The following FAT3 variants were observed in gnomAD, a reference collection of about 807,000 sequenced individuals.
The protein encoded by FAT3 is protocadherin Fat 3.
In FAT3, 95 loss-of-function variants were observed where a neutral mutation model predicts 310.2. That is an observed-to-expected ratio of 0.31 (90% CI 0.26 to 0.36). The LOEUF (loss-of-function observed/expected upper bound fraction) is 0.36, where lower values mean the gene tolerates loss of function less well. Ranked by LOEUF, FAT3 falls within the 10% of genes least tolerant of loss-of-function variation. FAT3 has a pLI of 1.00. For synonymous variants in FAT3, 2,314 were observed against 2,192.9 expected (o/e 1.06, Z -1.54); for missense variants, 5,408 against 5,715.6 (o/e 0.95, Z 1.74).
chr11:92,489,928 G>A (rs1197809532), intron 2 of FAT3, among the ~76,000 whole-genome samples: 2 of 150,366 alleles, frequency 1.3e-5, no homozygotes, highest in Admixed American at 6.6e-5. Flanking sequence ...CAGCGAAAGA[G>A]GCAGCTCAGA....
Position 92,352,757 on chromosome 11 carries a change from A to C in FAT3, c.645A>C (p.Leu215Phe). The change falls in exon 2 of 28, where the codon TTA becomes TTC. Residue 215 changes from leucine (L) to phenylalanine (F), a missense_variant. By Grantham distance (22) the Leu-to-Phe change is conservative. Around this residue, in one of 5 missense-constraint regions of FAT3, gnomAD observed 4,588 missense variants for 4,809.8 expected, o/e 0.95. Coordinates refer to ENST00000525166, the MANE Select transcript of FAT3 (RefSeq NM_001367949.2). ...SVHPTSGVIS[L>F]SGRLNYDEKN... The stretch of plus-strand genomic sequence containing the variant: ...ACCCCACGAGTGGTGTCATCTCCTT[A>C]AGTGGTCGATTAAATTATGATGAAA... The C allele has an allele frequency of 6.2e-6, 10 of 1,613,840 alleles. No homozygotes were observed. The highest frequency in any genetic ancestry group is 8.5e-6 in the Non-Finnish European group (10 of 1,179,882).
In FAT3 at chr11:92,765,169, A is replaced by C. The variant is rs577862436; in HGVS notation, c.4195+80A>C. 6.8e-5 allele frequency: 85 copies of C among 1,248,564 alleles called. 1 individual carries two copies. Among genetic ancestry groups the C allele is most frequent in the Non-Finnish European group, 8.9e-5 (82 of 916,960 alleles). The allele number at this position is 1,248,564 out of a possible 1,614,324, so 77.3% of individuals were successfully genotyped here. On this transcript the variant is annotated intron_variant, in intron 6 of 27. Transcript: ENST00000525166. ...ACTAGGAAAAAAAAAAAAAAGAAAG[A>C]AAGCAAAAAACTAACAATTAGTGCC...
At chr11:92,707,922 A>G (rs1286538578) in intron 4 of FAT3, among the ~76,000 whole-genome samples, 1 of 152,222 alleles carries the variant, frequency 6.6e-6, no homozygotes, top group East Asian at 1.9e-4. Context: ...AAGTGCTTCT[A>G]TTAATAATCA....
intron 2 of FAT3, among the ~76,000 whole-genome samples, chr11:92,454,510 A>G (rs1360160264): frequency 2.0e-5 from 3 of 152,128 alleles, no homozygotes; most frequent in Non-Finnish European, 2.9e-5. Flanking sequence ...ATCCCACTCC[A>G]TTGTCAAGTG....
intron 2 of FAT3, among the ~76,000 whole-genome samples, chr11:92,431,032 G>T (rs1950759405): frequency 1.3e-5 from 2 of 152,100 alleles, no homozygotes; most frequent in African/African-American, 4.8e-5. Flanking sequence ...ACCCAGTAAT[G>T]GGATTGCTGG....
At chr11:92,592,353 G>A (rs990270216) in intron 3 of FAT3, among the ~76,000 whole-genome samples, 1 of 114,268 alleles carries the variant, frequency 8.8e-6, no homozygotes, top group African/African-American at 3.5e-5. Context: ...ATAGAGTCTC[G>A]CTCTGTCACC....
intron 1 of FAT3, among the ~76,000 whole-genome samples, chr11:92,334,318 C>G (rs1947998213): frequency 6.6e-6 from 1 of 152,078 alleles, no homozygotes; most frequent in African/African-American, 2.4e-5. Flanking sequence ...AAGGCTGCAG[C>G]CATCCATGAT....
chr11:92,416,805 G>T (rs990090241), intron 2 of FAT3, among the ~76,000 whole-genome samples: 1 of 152,208 alleles, frequency 6.6e-6, no homozygotes, highest in Non-Finnish European at 1.5e-5. Flanking sequence ...AAATTGGTGG[G>T]ACTCTTTGGA....
At chr11:92,293,329 C>T (rs965993492) in intron 1 of FAT3, among the ~76,000 whole-genome samples, 1 of 151,498 alleles carries the variant, frequency 6.6e-6, no homozygotes, top group Admixed American at 6.6e-5. Context: ...GATTACCAGG[C>T]AGATCATCAG....
chr11:92,268,863 A>T (rs767552831), intron 1 of FAT3, among the ~76,000 whole-genome samples: 2 of 152,168 alleles, frequency 1.3e-5, no homozygotes, highest in African/African-American at 4.8e-5. Flanking sequence ...AAAGGGGAAG[A>T]AAAAAGAAAC....
At chr11:92,314,222 T>C in intron 1 of FAT3, 1 of 834,510 alleles carries the variant, frequency 1.2e-6, no homozygotes, top group Non-Finnish European at 1.4e-6. Flanking sequence ...AGTTTTGTGG[T>C]TTTGGCTAAT....
At chr11:92,376,127 G>C (rs143543576) in intron 2 of FAT3, among the ~76,000 whole-genome samples, 282 of 152,230 alleles carry the variant, frequency 1.9e-3, no homozygotes, top group African/African-American at 6.4e-3. Context: ...TCCCCTTGTG[G>C]CTTCAGGTAG....
At chr11:92,645,998 G>A (rs192808850) in intron 3 of FAT3, among the ~76,000 whole-genome samples, 1 of 152,164 alleles carries the variant, frequency 6.6e-6, no homozygotes, top group Non-Finnish European at 1.5e-5. Context: ...AATAGCCTCT[G>A]GATGCTTATG....
chr11:92,500,106 T>C (rs1020175709), intron 2 of FAT3, among the ~76,000 whole-genome samples: 1 of 152,050 alleles, frequency 6.6e-6, no homozygotes, highest in African/African-American at 2.4e-5. Context: ...AAAATGCCTG[T>C]CATGTAGGAG....
intron 1 of FAT3, among the ~76,000 whole-genome samples, chr11:92,285,807 T>C (rs987480115): frequency 1.3e-5 from 2 of 152,332 alleles, no homozygotes; most frequent in East Asian, 3.9e-4. Flanking sequence ...TCCTTATGTA[T>C]CTGTCTATAT....
chr11:92,873,175 G>A (rs1220688923), intron 22 of FAT3, among the ~76,000 whole-genome samples: 1 of 152,168 alleles, frequency 6.6e-6, no homozygotes, highest in African/African-American at 2.4e-5. Flanking sequence ...GATGAAGTGA[G>A]TATTAGTGAG....
chr11:92,257,040 G>A (rs922688228), intron 1 of FAT3, among the ~76,000 whole-genome samples: 2 of 151,964 alleles, frequency 1.3e-5, no homozygotes, highest in Non-Finnish European at 2.9e-5. Context: ...TCTGTAACCT[G>A]CTCTTGACCT....
chr11:92,437,223 T>A (rs575546648), intron 2 of FAT3, among the ~76,000 whole-genome samples: 12 of 152,326 alleles, frequency 7.9e-5, no homozygotes, highest in African/African-American at 2.9e-4. Flanking sequence ...ATGTGAAATA[T>A]TTAAGCTACT....
intron 3 of FAT3, among the ~76,000 whole-genome samples, chr11:92,587,734 C>CT (rs1235615130): frequency 6.6e-6 from 1 of 151,892 alleles, no homozygotes; most frequent in Non-Finnish European, 1.5e-5. Context: ...GTGCTGGCCC[C>CT]TGAATCATGT....
Sources: allele counts gnomAD v4.1 joint callset (sites outside exome capture counted in the v4.1 genomes callset), GRCh38; gene constraint gnomAD v4.1.1; regional missense constraint gnomAD v4.1.1; transcripts MANE v1.5; gene names NCBI Gene and HGNC (gene_info 2026-07-23, HGNC 2026-07-21).